The following SEMA3A variants were observed in gnomAD, a reference collection of about 807,000 sequenced individuals.
SEMA3A encodes the protein semaphorin 3A, also known as semaphorin-3A.
SEMA3A carries 29 observed loss-of-function variants against 97.9 expected under a neutral mutation model. That is an observed-to-expected ratio of 0.30 (90% CI 0.22 to 0.40). The LOEUF is 0.40. Ranked by LOEUF, SEMA3A falls within the 10% of genes least tolerant of loss-of-function variation. The probability of loss-of-function intolerance (pLI) is 1.00; values close to 1 mark genes in which losing one functional copy is unlikely to be tolerated. For synonymous variants in SEMA3A, 321 were observed against 323.7 expected, an observed-to-expected ratio of 0.99 and a Z score of 0.09; for missense variants, 763 against 951.3, an observed-to-expected ratio of 0.80 and a Z score of 2.60.
At chr7:84,482,864 G>GTTT (rs11396239) in intron 1 of SEMA3A, among the ~76,000 whole-genome samples, 26,296 of 139,556 alleles carry the variant, frequency 0.19, 2,942 homozygotes, top group East Asian at 0.44. Context: ...CAAAATTCTA[G>GTTT]TTTTTTTTTT....
chr7:84,218,611 C>G (rs1253052209), intron 3 of SEMA3A, among the ~76,000 whole-genome samples: 1 of 152,072 alleles, frequency 6.6e-6, no homozygotes, highest in Non-Finnish European at 1.5e-5. Context: ...TGAATTTTTG[C>G]TATTCAGTTG....
chr7:84,320,474 C>T lies in SEMA3A; in HGVS notation c.-168-13182G>A, dbSNP rs10234727. On this transcript the variant is annotated intron_variant, in intron 2 of 3. Transcript: ENST00000424555. ...TTTCCTATGCTAGCCTAATCATATA[C>T]TTTATATTGCTAGCATCAACTAATA... Among the ~76,000 whole-genome samples, 122 of 152,138 alleles carry T rather than the reference C, an allele frequency of 8.0e-4. 1 individual carries two copies. Among genetic ancestry groups the T allele is most frequent in the African/African-American group, 2.8e-3 (117 of 41,528 alleles).
At chr7:84,465,003 G>A (rs769368932) in intron 1 of SEMA3A, among the ~76,000 whole-genome samples, 2 of 152,224 alleles carry the variant, frequency 1.3e-5, no homozygotes, top group Non-Finnish European at 2.9e-5. Flanking sequence ...GACCCAGAGA[G>A]TGTCACATAA....
chr7:84,085,914 T>A (rs1794319954), intron 4 of SEMA3A, among the ~76,000 whole-genome samples: 1 of 152,178 alleles, frequency 6.6e-6, no homozygotes, highest in Admixed American at 6.6e-5. Flanking sequence ...GAACCTTAAA[T>A]ATATTGTCAA....
Position 84,458,555 on chromosome 7 carries a change from C to T in SEMA3A, c.-246+33905G>A, listed in dbSNP as rs1225666046. 2.0e-5 allele frequency among the ~76,000 whole-genome samples: 3 copies of T among 151,890 alleles called. No individual in the cohort carries two copies. The East Asian group carries it at 5.8e-4, about 29-fold the overall frequency. On this transcript the variant is annotated intron_variant, in intron 1 of 3. Coordinates refer to the SEMA3A transcript ENST00000424555. Reference sequence around the variant, plus strand: ...TTTTTCAACTTGCATACTTTGTGCACCTGAAAGTTAGATTTCTGACTTTTT... The same window carrying T: ...TTTTTCAACTTGCATACTTTGTGCATCTGAAAGTTAGATTTCTGACTTTTT...
At chr7:84,166,207 T>G (rs2116184677) in intron 1 of SEMA3A, among the ~76,000 whole-genome samples, 1 of 150,922 alleles carries the variant, frequency 6.6e-6, no homozygotes, top group African/African-American at 2.4e-5. Context: ...GCCCAGGAAG[T>G]CCAGGCTATA....
At chr7:84,005,596 T>G in intron 10 of SEMA3A, 38 bp from the exon 11 acceptor site, 1 of 1,320,106 alleles carries the variant, frequency 7.6e-7, no homozygotes, top group Non-Finnish European at 1.1e-6. Flanking sequence ...TTGATTAAAA[T>G]CTAATAAACA....
At chr7:84,434,528 C>G (rs1323024655) in intron 1 of SEMA3A, among the ~76,000 whole-genome samples, 1 of 152,130 alleles carries the variant, frequency 6.6e-6, no homozygotes, top group Non-Finnish European at 1.5e-5. Flanking sequence ...CAGAACCACC[C>G]TGATACCAAA....
At position 84,139,945 on chromosome 7, in the gene SEMA3A, CT is replaced by C. The variant is rs1200713967; in HGVS notation, c.113-4995del. Reference sequence around the variant, plus strand: ...ATTTATCTATAAATGTTCATATTTACTTTTCCCCCCAAGAGTAATCATAATC... The same window carrying C: ...ATTTATCTATAAATGTTCATATTTACTTTCCCCCCAAGAGTAATCATAATC... On this transcript the variant is annotated intron_variant, in intron 1 of 16. Coordinates refer to ENST00000265362, the MANE Select transcript of SEMA3A (RefSeq NM_006080.3). 3.9e-5 allele frequency among the ~76,000 whole-genome samples: 6 copies of C among 151,908 alleles called. No homozygotes were observed. In the East Asian group the frequency reaches 1.2e-3, roughly 29 times the overall value.
intron 1 of SEMA3A, among the ~76,000 whole-genome samples, chr7:84,488,636 G>A (rs1806644943): frequency 6.6e-6 from 1 of 152,086 alleles, no homozygotes; most frequent in Admixed American, 6.6e-5. Context: ...CTATTAACAG[G>A]TGTGGACATG....
chr7:84,263,421 G>C (rs917527838), intron 3 of SEMA3A, among the ~76,000 whole-genome samples: 1 of 152,100 alleles, frequency 6.6e-6, no homozygotes, highest in Non-Finnish European at 1.5e-5. Context: ...CAAGAGCTAT[G>C]GTATTTTTTC....
At chr7:84,100,258 C>G (rs1408761642) in intron 4 of SEMA3A, among the ~76,000 whole-genome samples, 1 of 152,042 alleles carries the variant, frequency 6.6e-6, no homozygotes, top group Non-Finnish European at 1.5e-5. Context: ...AAGTGTAAAT[C>G]CAGGAGAAAA....
At chr7:84,139,051 C>A (rs1562806782) in intron 1 of SEMA3A, among the ~76,000 whole-genome samples, 3 of 152,012 alleles carry the variant, frequency 2.0e-5, no homozygotes. Flanking sequence ...TGAATGTACT[C>A]CTTCAGAATT....
chr7:84,424,593 T>C (rs1356507288), intron 1 of SEMA3A, among the ~76,000 whole-genome samples: 1 of 74,150 alleles, frequency 1.3e-5, no homozygotes, highest in Non-Finnish European at 2.1e-5. Flanking sequence ...TTATATATAA[T>C]ATATAAATAT....
intron 1 of SEMA3A, among the ~76,000 whole-genome samples, chr7:84,439,055 A>G (rs967707998): frequency 6.6e-6 from 1 of 151,800 alleles, no homozygotes; most frequent in Non-Finnish European, 1.5e-5. Flanking sequence ...CAAAATTAAA[A>G]GAGTATCAAC....
chr7:84,264,470 G>A (rs116408343), intron 3 of SEMA3A, among the ~76,000 whole-genome samples: 1 of 152,110 alleles, frequency 6.6e-6, no homozygotes, highest in Non-Finnish European at 1.5e-5. Flanking sequence ...TCTGGCTGCT[G>A]TAACAGCAAT....
intron 1 of SEMA3A, among the ~76,000 whole-genome samples, chr7:84,376,916 G>T (rs779611999): frequency 6.6e-6 from 1 of 152,044 alleles, no homozygotes; most frequent in Non-Finnish European, 1.5e-5. Flanking sequence ...TATATTATGG[G>T]TGATAATCCA....
In SEMA3A at chr7:84,110,731, G is replaced by T. The variant is rs544057291; in HGVS notation, c.334-142C>A. 8.2e-6 allele frequency: 7 copies of T among 854,860 alleles called. No individual in the cohort carries two copies. In the South Asian group the frequency reaches 1.3e-4, roughly 16 times the overall value. 53.0% of individuals were successfully genotyped at this position (854,860 alleles called of 1,614,324 possible). A position where few individuals can be genotyped will look rare whatever the true frequency, so the allele number is the denominator to read the frequency against. On this transcript the variant is annotated intron_variant, in intron 3 of 16. Transcript: ENST00000265362. ...TGGCATCCCTTTCACAACATTTTAA[G>T]GACTTATTTATTATTCTATTGTTTT...
intron 5 of SEMA3A, among the ~76,000 whole-genome samples, chr7:84,055,754 A>G (rs1168868743): frequency 6.6e-6 from 1 of 152,010 alleles, no homozygotes; most frequent in Non-Finnish European, 1.5e-5. Context: ...ATTCTTAAGC[A>G]TAGTGTTAAT....
Sources: allele counts gnomAD v4.1 joint callset (sites outside exome capture counted in the v4.1 genomes callset), GRCh38; gene constraint gnomAD v4.1.1; transcripts MANE v1.5; gene names NCBI Gene and HGNC (gene_info 2026-07-23, HGNC 2026-07-21).